The following SLC36A1 variants were observed in gnomAD, a reference collection of about 807,000 sequenced individuals.
SLC36A1 encodes the protein proton-coupled amino acid transporter 1.
SLC36A1 carries 30 observed loss-of-function variants against 47.5 expected under a neutral mutation model. That is an observed-to-expected ratio of 0.63 (90% CI 0.47 to 0.86). The LOEUF is 0.86. Ranked by LOEUF, SLC36A1 falls within the 40% of genes least tolerant of loss-of-function variation. The probability of loss-of-function intolerance (pLI) is 0.00; values close to 1 mark genes in which losing one functional copy is unlikely to be tolerated. For synonymous variants in SLC36A1, 255 were observed against 249.7 expected (o/e 1.02, Z -0.20); for missense variants, 517 against 606.0 (o/e 0.85, Z 1.54).
chr5:151,515,040 C>CT, the SLC36A1 span, among the ~76,000 whole-genome samples: 2 of 152,058 alleles, frequency 1.3e-5, no homozygotes, highest in Non-Finnish European at 2.9e-5. Flanking sequence ...TCCTTCTTTC[C>CT]TGTCCCTTTT....
At chr5:151,504,848 ACT>A in the SLC36A1 span, 2 of 152,450 alleles carry the variant, frequency 1.3e-5, no homozygotes, top group African/African-American at 4.8e-5. Context: ...CAGTGGTGTG[ACT>A]CTGAGGTGGG....
chr5:151,440,158 T>C (rs1220939946), intron 1 of SLC36A1, among the ~76,000 whole-genome samples: 2 of 152,116 alleles, frequency 1.3e-5, no homozygotes, highest in Admixed American at 6.5e-5. Context: ...CAGTGTAGCA[T>C]GCTTTACAGT....
At chr5:151,511,489 G>T in the SLC36A1 span, 1,611 of 152,432 alleles carry the variant, frequency 0.011, 11 homozygotes, top group Non-Finnish European at 0.017. Context: ...GTGTGTGTGT[G>T]TGAAGGAAAC....
the SLC36A1 span, among the ~76,000 whole-genome samples, chr5:151,395,748 T>A: frequency 6.6e-6 from 1 of 152,188 alleles, no homozygotes; most frequent in African/African-American, 2.4e-5. Context: ...GAGGTCATGC[T>A]TGGAAACCAA....
downstream of SLC36A1, among the ~76,000 whole-genome samples, chr5:151,493,155 C>A (rs165326): frequency 0.17 from 25,932 of 152,118 alleles, 2,323 homozygotes; most frequent in Non-Finnish European, 0.21. Context: ...CCCTTCCCTT[C>A]CCTTTTTGTC....
chr5:151,398,462 A>G, the SLC36A1 span, among the ~76,000 whole-genome samples: 6 of 152,186 alleles, frequency 3.9e-5, no homozygotes, highest in African/African-American at 1.4e-4. Flanking sequence ...GTATCAGAAT[A>G]TATAGCAGCT....
the SLC36A1 span, among the ~76,000 whole-genome samples, chr5:151,541,971 A>G: frequency 1.3e-5 from 2 of 152,214 alleles, no homozygotes; most frequent in African/African-American, 2.4e-5. Flanking sequence ...TGCCTCCTCC[A>G]TCTTTCAAAA....
chr5:151,463,789 C>G (rs1755939814), intron 3 of SLC36A1, 146 bp downstream of exon 3: 2 of 671,842 alleles, frequency 3.0e-6, no homozygotes, highest in South Asian at 3.6e-5. Flanking sequence ...TTCAGACATT[C>G]ATTCACTTAA....
the SLC36A1 span, among the ~76,000 whole-genome samples, chr5:151,353,518 T>A: frequency 6.6e-6 from 1 of 152,066 alleles, no homozygotes; most frequent in Admixed American, 6.5e-5. Context: ...ACTATTGACA[T>A]CCAGCAACGG....
chr5:151,523,098 T>C, the SLC36A1 span, among the ~76,000 whole-genome samples: 14 of 152,296 alleles, frequency 9.2e-5, no homozygotes, highest in East Asian at 2.5e-3. Context: ...TTCCCTGTAG[T>C]AATATCTTGT....
chr5:151,344,729 G>C, the SLC36A1 span, among the ~76,000 whole-genome samples: 6 of 152,128 alleles, frequency 3.9e-5, no homozygotes, highest in Admixed American at 3.9e-4. Context: ...GATAAACTCA[G>C]ACAGCGTAAG....
the SLC36A1 span, chr5:151,543,227 T>C: frequency 8.6e-5 from 138 of 1,614,036 alleles, no homozygotes; most frequent in Non-Finnish European, 1.1e-4. Flanking sequence ...TTAATTTCAA[T>C]GACATCTTTA....
intron 1 of SLC36A1, chr5:151,452,353 A>T (rs1229697583): frequency 6.6e-6 from 1 of 152,220 alleles, no homozygotes; most frequent in East Asian, 1.9e-4. Flanking sequence ...AATTCCATCG[A>T]CAGAGAGGAG....
chr5:151,420,878 C>T, the SLC36A1 span, among the ~76,000 whole-genome samples: 12 of 143,962 alleles, frequency 8.3e-5, no homozygotes, highest in East Asian at 2.0e-4. Flanking sequence ...CTCTTTCTTT[C>T]TTTTTTTTTT....
chr5:151,358,303 C>CTA, the SLC36A1 span, among the ~76,000 whole-genome samples: 3 of 151,870 alleles, frequency 2.0e-5, no homozygotes, highest in African/African-American at 7.3e-5. Flanking sequence ...AGACAGGGTC[C>CTA]TATTCTGTCA....
the SLC36A1 span, among the ~76,000 whole-genome samples, chr5:151,417,839 G>A: frequency 6.6e-6 from 1 of 152,190 alleles, no homozygotes; most frequent in Non-Finnish European, 1.5e-5. Context: ...AAATCAATGG[G>A]GAAAACATCT....
At chr5:151,434,369 TATA>T (rs1581004575), upstream of SLC36A1, among the ~76,000 whole-genome samples, 1 of 152,128 alleles carries the variant, frequency 6.6e-6, no homozygotes, top group African/African-American at 2.4e-5. Context: ...AAAATAGAAT[TATA>T]ATAGTTGAAA....
chr5:151,477,109 G>A, intron 9 of SLC36A1: 1 of 376,972 alleles, frequency 2.7e-6, no homozygotes, highest in Non-Finnish European at 5.2e-6. Flanking sequence ...CATCGGTTGT[G>A]CCTCTCCCTT....
At chr5:151,424,926 A>G in the SLC36A1 span, among the ~76,000 whole-genome samples, 3 of 152,208 alleles carry the variant, frequency 2.0e-5, no homozygotes, top group Non-Finnish European at 4.4e-5. Context: ...CAACTTTGTA[A>G]ATTTACTGAA....
Sources: allele counts gnomAD v4.1 joint callset (sites outside exome capture counted in the v4.1 genomes callset), GRCh38; gene constraint gnomAD v4.1.1; transcripts MANE v1.5; gene names NCBI Gene and HGNC (gene_info 2026-07-23, HGNC 2026-07-21).